Variants in RANBP2 observed in about 807,000 individuals in gnomAD.
RANBP2 encodes RAN binding protein 2, also known as E3 SUMO-protein ligase RanBP2.
A neutral mutation model predicts 303.6 loss-of-function variants in RANBP2; 57 were observed. That is an observed-to-expected ratio of 0.19 (90% CI 0.15 to 0.23). The LOEUF (loss-of-function observed/expected upper bound fraction) is 0.23. Ranked by LOEUF, RANBP2 falls within the 10% of genes least tolerant of loss-of-function variation. The probability of loss-of-function intolerance (pLI) is 1.00; values close to 1 mark genes in which losing one functional copy is unlikely to be tolerated. For synonymous variants in RANBP2, 1,167 were observed against 1,301.5 expected (o/e 0.90, Z 2.23); for missense variants, 3,138 against 3,780.8 (o/e 0.83, Z 4.46).
the RANBP2 span, among the ~76,000 whole-genome samples, chr2:108,865,878 G>A: frequency 6.6e-6 from 1 of 152,144 alleles, no homozygotes; most frequent in Admixed American, 6.5e-5. Flanking sequence ...GAGTTTGTTG[G>A]GTTCTGTCAG....
the RANBP2 span, among the ~76,000 whole-genome samples, chr2:109,368,725 A>AAG: frequency 3.8e-4 from 56 of 145,758 alleles, no homozygotes; most frequent in African/African-American, 1.4e-3. Context: ...AAAAAAAAAG[A>AAG]AAAAGAAAAA....
At chr2:109,539,003 C>T in the RANBP2 span, among the ~76,000 whole-genome samples, 1 of 152,116 alleles carries the variant, frequency 6.6e-6, no homozygotes. Flanking sequence ...ATTTACATAT[C>T]ATAAACAATA....
At chr2:109,213,994 G>C in the RANBP2 span, among the ~76,000 whole-genome samples, 1 of 152,228 alleles carries the variant, frequency 6.6e-6, no homozygotes, top group Non-Finnish European at 1.5e-5. Flanking sequence ...TTGGGTGGAC[G>C]TGGCGGGCAG....
the RANBP2 span, among the ~76,000 whole-genome samples, chr2:109,575,940 C>T: frequency 6.6e-6 from 1 of 152,098 alleles, no homozygotes; most frequent in African/African-American, 2.4e-5. Flanking sequence ...GAGACAGTAT[C>T]TTATACATCT....
the RANBP2 span, chr2:109,615,207 G>A: frequency 2.6e-6 from 4 of 1,547,160 alleles, no homozygotes; most frequent in Non-Finnish European, 3.5e-6. Context: ...CAGAGGCGGG[G>A]GCGACTCAGA....
chr2:109,076,032 A>C, the RANBP2 span, among the ~76,000 whole-genome samples: 5 of 150,838 alleles, frequency 3.3e-5, no homozygotes, highest in South Asian at 1.1e-3. Flanking sequence ...TAGATGCAAA[A>C]ATCCTCAATA....
the RANBP2 span, among the ~76,000 whole-genome samples, chr2:109,131,839 G>A: frequency 6.6e-6 from 1 of 152,142 alleles, no homozygotes; most frequent in African/African-American, 2.4e-5. Context: ...GTGTTTTTGG[G>A]ATGTTTCTGG....
the RANBP2 span, among the ~76,000 whole-genome samples, chr2:108,800,608 C>CTT: frequency 4.8e-4 from 16 of 33,486 alleles, no homozygotes; most frequent in African/African-American, 1.4e-3. Flanking sequence ...CTCAGTTTAG[C>CTT]TTTTTTTTTT....
chr2:108,763,426 A>G lies in RANBP2; in HGVS notation c.2887A>G (p.Asn963Asp), dbSNP rs1170108724. Residue 963 changes from asparagine to aspartate, a missense_variant, in exon 20 of 29, where the codon AAT becomes GAT. Around this residue, in one of 20 missense-constraint regions of RANBP2, gnomAD observed 403 missense variants for 376.7 expected, o/e 1.07. Transcript: ENST00000283195. ...ILSPRGDDYF[N>D]YNVQQTSTNP... ...ATCGCCCAGGGGTGATGATTACTTTAATTACAATGTTCAACAGACAAGCAC... is the reference window on the plus strand; with the variant it reads ...ATCGCCCAGGGGTGATGATTACTTTGATTACAATGTTCAACAGACAAGCAC... The G allele has an allele frequency of 1.9e-6, 3 of 1,613,992 alleles. No individual in the cohort carries two copies. Among genetic ancestry groups the G allele is most frequent in the Non-Finnish European group, 2.5e-6 (3 of 1,179,966 alleles).
the RANBP2 span, among the ~76,000 whole-genome samples, chr2:109,462,834 C>A: frequency 6.6e-6 from 1 of 152,218 alleles, no homozygotes; most frequent in Non-Finnish European, 1.5e-5. Flanking sequence ...CTCCACTGAT[C>A]ACCTGTGCTC....
the RANBP2 span, chr2:109,615,027 C>T: frequency 1.9e-6 from 3 of 1,547,472 alleles, no homozygotes; most frequent in Non-Finnish European, 2.6e-6. Context: ...GGAGCTCCCG[C>T]CACATGGCTG....
chr2:109,073,497 T>C, the RANBP2 span, among the ~76,000 whole-genome samples: 1 of 151,184 alleles, frequency 6.6e-6, no homozygotes, highest in Non-Finnish European at 1.5e-5. Context: ...TGAAACCCCA[T>C]CTCTACTAAA....
the RANBP2 span, among the ~76,000 whole-genome samples, chr2:109,417,852 G>A: frequency 2.0e-5 from 3 of 152,146 alleles, no homozygotes; most frequent in Non-Finnish European, 4.4e-5. Context: ...GTAGGTGGCC[G>A]GCGGCATGCA....
chr2:109,485,615 T>C, the RANBP2 span, among the ~76,000 whole-genome samples: 1 of 152,260 alleles, frequency 6.6e-6, no homozygotes, highest in Non-Finnish European at 1.5e-5. Context: ...TAGAGTGTAG[T>C]ATGAATAAAC....
the RANBP2 span, among the ~76,000 whole-genome samples, chr2:109,741,630 G>C: frequency 4.8e-3 from 611 of 128,052 alleles, 22 homozygotes; most frequent in Admixed American, 0.039. Context: ...TGAGGCTGGA[G>C]AGTCACTTGA....
the RANBP2 span, chr2:108,896,580 G>A: frequency 2.8e-5 from 8 of 288,766 alleles, no homozygotes; most frequent in Admixed American, 1.8e-4. Flanking sequence ...TCATTCCCAC[G>A]GGGTTTGATT....
chr2:109,631,288 G>T, the RANBP2 span, among the ~76,000 whole-genome samples: 1 of 151,802 alleles, frequency 6.6e-6, no homozygotes, highest in South Asian at 2.1e-4. Context: ...CGGATGCTCA[G>T]CCCTACACTC....
At chr2:109,619,852 A>G in the RANBP2 span, among the ~76,000 whole-genome samples, 4 of 152,210 alleles carry the variant, frequency 2.6e-5, no homozygotes, top group Non-Finnish European at 4.4e-5. Flanking sequence ...AATTTGCTGT[A>G]AACCAGTATT....
At chr2:109,472,886 T>A in the RANBP2 span, among the ~76,000 whole-genome samples, 1 of 152,220 alleles carries the variant, frequency 6.6e-6, no homozygotes, top group Admixed American at 6.5e-5. Context: ...CAGACAGCCC[T>A]GCTCCAGCCT....
Sources: allele counts gnomAD v4.1 joint callset (sites outside exome capture counted in the v4.1 genomes callset), GRCh38; gene constraint gnomAD v4.1.1; regional missense constraint gnomAD v4.1.1; transcripts MANE v1.5; gene names NCBI Gene and HGNC (gene_info 2026-07-23, HGNC 2026-07-21).